PARP4: variants seen among roughly 807,000 people sequenced by gnomAD.
PARP4 encodes protein mono-ADP-ribosyltransferase PARP4.
PARP4 carries 120 observed loss-of-function variants against 187.7 expected under a neutral mutation model. The observed-to-expected ratio is 0.64, with a 90% CI of 0.55 to 0.74. The LOEUF (loss-of-function observed/expected upper bound fraction) is 0.74. Among genes scored for constraint, PARP4 ranks in the 30% least tolerant of loss-of-function variants. The pLI, the probability that PARP4 is intolerant of heterozygous loss-of-function variation, is 0.00. For missense variants in PARP4, 1,836 were observed against 2,070.5 expected (o/e 0.89, Z 2.20); for synonymous variants, 654 against 740.9 (o/e 0.88, Z 1.90).
chr13:24,493,522 C>A, intron 8 of PARP4, 74 bp downstream of exon 8: 1 of 1,429,606 alleles, frequency 7.0e-7, no homozygotes, highest in Non-Finnish European at 9.6e-7. Context: ...CATGCAAACA[C>A]ACGTGTTATT....
At chr13:24,498,689 G>C (rs1593651762) in intron 5 of PARP4, among the ~76,000 whole-genome samples, 1 of 152,092 alleles carries the variant, frequency 6.6e-6, no homozygotes, top group East Asian at 1.9e-4. Flanking sequence ...AGCCCCCTAA[G>C]TAGCTGGGAC....
At chr13:24,501,931 G>A (rs1869318706) in intron 2 of PARP4, 97 bp from the exon 3 acceptor site, 2 of 753,298 alleles carry the variant, frequency 2.7e-6, no homozygotes, top group Admixed American at 5.3e-5. Flanking sequence ...AAGTATTAAG[G>A]TAGTTTGTGA....
At chr13:24,508,663 G>C (rs1025460862) in intron 1 of PARP4, among the ~76,000 whole-genome samples, 1 of 152,120 alleles carries the variant, frequency 6.6e-6, no homozygotes, top group African/African-American at 2.4e-5. Flanking sequence ...ATAGGTGCCT[G>C]CCACCATGCC....
chr13:24,443,180 G>A (rs1871032346), intron 28 of PARP4, among the ~76,000 whole-genome samples: 1 of 126,416 alleles, frequency 7.9e-6, no homozygotes. Context: ...ATCCCTCAGA[G>A]AACAGCTGGG....
In PARP4 at chr13:24,457,099, C is replaced by T. The variant is rs534136829; in HGVS notation, c.2425-621G>A. Among the ~76,000 whole-genome samples the T allele has an allele frequency of 3.9e-5, 6 of 152,000 alleles. No homozygotes were observed. The East Asian group carries it at 7.8e-4, about 20-fold the overall frequency. On this transcript the variant is annotated intron_variant, in intron 20 of 33. Coordinates refer to ENST00000381989, the MANE Select transcript of PARP4 (RefSeq NM_006437.4). ...GTTAGACTTATCTGGGTATAGCAGA[C>T]GGCACATCAGATAATTAAAACCGAG... is the stretch of plus-strand genomic sequence containing the variant.
chr13:24,439,815 T>A (rs1265676415), intron 30 of PARP4, among the ~76,000 whole-genome samples: 1 of 152,174 alleles, frequency 6.6e-6, no homozygotes, highest in Non-Finnish European at 1.5e-5. Context: ...AGGGCCCCTG[T>A]GCAGTCAGAG....
intron 10 of PARP4, 125 bp downstream of exon 10, chr13:24,490,543 T>A: frequency 1.3e-6 from 1 of 777,118 alleles, no homozygotes; most frequent in Non-Finnish European, 2.1e-6. Flanking sequence ...TAATGTGTCA[T>A]CACACCACCG....
At chr13:24,492,167 A>G (rs527708830) in intron 9 of PARP4, among the ~76,000 whole-genome samples, 18 of 152,332 alleles carry the variant, frequency 1.2e-4, no homozygotes, top group Admixed American at 7.2e-4. Flanking sequence ...CAGAGTCTGA[A>G]AAGTTATTTT....
chr13:24,426,512 T>C lies in PARP4; in HGVS notation c.4933A>G (p.Ile1645Val). ...FIRTRLEKEGIVFKSLMKMDD... is the reference protein window; with the variant it reads ...FIRTRLEKEGVVFKSLMKMDD... ...ATTTTCATCAGTGATTTGAACACTA[T>C]TCCCTCTTTTTCCAACCTGGTGCGA... Residue 1645 changes from isoleucine to valine, a missense_variant, in exon 33 of 34, where the codon ATA (isoleucine) becomes GTA (valine). Transcript: ENST00000381989. 1 of 1,611,848 alleles carries C rather than the reference T, an allele frequency of 6.2e-7. No homozygotes were observed.
Position 24,444,024 on chromosome 13 carries a change from G to C in PARP4, c.3367-294C>G, listed in dbSNP as rs530007280. On this transcript the variant is annotated intron_variant, in intron 27 of 33. Transcript: ENST00000381989. ...CTAGAGTTTTGCTTTTTCTATAAAA[G>C]GCCATTTTGCTAATTCATTTTATTT... is the stretch of plus-strand genomic sequence containing the variant. Among the ~76,000 whole-genome samples the C allele has an allele frequency of 2.0e-5, 3 of 152,250 alleles. No homozygotes were observed. In the East Asian group the frequency reaches 5.8e-4, roughly 29 times the overall value.
At chr13:24,498,591 T>C (rs1869090673) in intron 5 of PARP4, among the ~76,000 whole-genome samples, 1 of 152,170 alleles carries the variant, frequency 6.6e-6, no homozygotes, top group Non-Finnish European at 1.5e-5. Flanking sequence ...AGTGTCGATT[T>C]ATATCTATAT....
chr13:24,507,080 G>A (rs752541240), intron 1 of PARP4, among the ~76,000 whole-genome samples: 4 of 152,214 alleles, frequency 2.6e-5, no homozygotes, highest in East Asian at 1.9e-4. Flanking sequence ...CGGGGCCGGC[G>A]GGGCCAGCGG....
At position 24,426,534 on chromosome 13, in the gene PARP4, G is replaced by A. The variant is rs761225027; in HGVS notation, c.4911C>T (p.Arg1637=). 9.9e-6 allele frequency: 16 copies of A among 1,610,276 alleles called. No homozygotes were observed. Among genetic ancestry groups the A allele is most frequent in the Admixed American group, 1.7e-5 (1 of 59,986 alleles). ...IATMLVLQFI[R]TRLEKEGIVF... is the part of the protein sequence containing the mutation. Reference sequence around the variant, plus strand: ...CTATTCCCTCTTTTTCCAACCTGGTGCGAATAAACTGTAGTACCAGCATTG... The same window carrying A: ...CTATTCCCTCTTTTTCCAACCTGGTACGAATAAACTGTAGTACCAGCATTG... Residue 1637 remains arginine, a synonymous_variant, in exon 33 of 34, where the codon CGC becomes CGT. Transcript: ENST00000381989.
chr13:24,490,535 ATG>A, intron 10 of PARP4, 131 bp downstream of exon 10: 1 of 715,952 alleles, frequency 1.4e-6, no homozygotes, highest in East Asian at 2.5e-5. Flanking sequence ...GAAGAAAGTA[ATG>A]TGTCATCACA....
At chr13:24,428,778 TTGGTTTTCAACAGTTTGACTC>T (rs2137433637) in intron 32 of PARP4, among the ~76,000 whole-genome samples, 1 of 152,330 alleles carries the variant, frequency 6.6e-6, no homozygotes, top group African/African-American at 2.4e-5. Flanking sequence ...TGGCTTATCT[TTGGTTTTCAACAGTTTGACTC>T]TGGCCTATCT....
intron 30 of PARP4, among the ~76,000 whole-genome samples, chr13:24,436,915 G>A (rs73458951): frequency 0.05 from 7,638 of 152,092 alleles, 545 homozygotes; most frequent in African/African-American, 0.16. Context: ...CATATGAAAA[G>A]ACATATTTTA....
At chr13:24,471,015 C>T (rs761622199) in intron 15 of PARP4, among the ~76,000 whole-genome samples, 2 of 152,154 alleles carry the variant, frequency 1.3e-5, no homozygotes, top group African/African-American at 2.4e-5. Context: ...AGGAGGCAAA[C>T]GTGCGTCCTG....
At chr13:24,493,521 A>G in intron 8 of PARP4, 75 bp downstream of exon 8, 1 of 1,419,768 alleles carries the variant, frequency 7.0e-7, no homozygotes, top group Non-Finnish European at 9.7e-7. Context: ...GCATGCAAAC[A>G]CACGTGTTAT....
At chr13:24,508,669 A>G (rs1869841392) in intron 1 of PARP4, among the ~76,000 whole-genome samples, 1 of 152,148 alleles carries the variant, frequency 6.6e-6, no homozygotes, top group African/African-American at 2.4e-5. Context: ...GCCTGCCACC[A>G]TGCCTGGCTA....
Sources: gnomAD v4.1 joint callset for allele counts (sites outside exome capture counted in the v4.1 genomes callset) on GRCh38, gnomAD v4.1.1 for gene constraint, MANE v1.5 for transcripts, NCBI Gene and HGNC (gene_info 2026-07-23, HGNC 2026-07-21) for gene names.